The following SHLD2 variants were observed in gnomAD, a reference collection of about 807,000 sequenced individuals.
The protein encoded by SHLD2 is shieldin complex subunit 2.
SHLD2 carries 30 observed loss-of-function variants against 73.2 expected under a neutral mutation model. The ratio of observed to expected loss-of-function variants is 0.41; its 90% confidence interval spans 0.31 to 0.56. The LOEUF is 0.56. Ranked by LOEUF, SHLD2 falls within the 20% of genes least tolerant of loss-of-function variation. SHLD2 has a pLI of 0.28. For missense variants in SHLD2, 745 were observed against 1,055.9 expected, an observed-to-expected ratio of 0.71 and a Z score of 4.08; for synonymous variants, 285 against 370.1, an observed-to-expected ratio of 0.77 and a Z score of 2.64.
At chr10:87,103,955 C>T (rs183287012) in intron 2 of SHLD2, among the ~76,000 whole-genome samples, 2 of 152,060 alleles carry the variant, frequency 1.3e-5, no homozygotes, top group Admixed American at 6.6e-5. Flanking sequence ...CTGTGCTGGC[C>T]GGGCATGGTG....
chr10:87,158,079 C>T lies in SHLD2; in HGVS notation c.1557C>T (p.Gly519=), dbSNP rs3129495. 11 of 1,611,282 alleles carry T rather than the reference C, an allele frequency of 6.8e-6. No homozygotes were observed. The highest frequency in any genetic ancestry group is 3.3e-5 in the Admixed American group (2 of 59,968). The part of the protein sequence containing the change: ...DVVIHEDQWI[G]ETVLQSTFSS... ...TTATTCATGAGGACCAATGGATTGG[C>T]GAGACAGTACTACAATCAACATTTA... is the stretch of plus-strand genomic sequence containing the variant. Residue 519 remains glycine, a synonymous_variant, in exon 4 of 10, where the codon GGC becomes GGT. Transcript: ENST00000298786.
intron 3 of SHLD2, chr10:87,153,972 C>T (rs1564601745): frequency 6.6e-6 from 1 of 152,166 alleles, no homozygotes; most frequent in Non-Finnish European, 1.5e-5. Context: ...CTCACGGGCA[C>T]AATCCCATTG....
intron 2 of SHLD2, among the ~76,000 whole-genome samples, chr10:87,097,577 G>A (rs1034106778): frequency 6.6e-6 from 1 of 152,096 alleles, no homozygotes; most frequent in African/African-American, 2.4e-5. Flanking sequence ...GGGCAACAGA[G>A]CGAGTCTTCA....
At chr10:87,147,572 G>A (rs754114322) in intron 2 of SHLD2, among the ~76,000 whole-genome samples, 69 of 152,148 alleles carry the variant, frequency 4.5e-4, no homozygotes, top group Middle Eastern at 6.8e-3. Flanking sequence ...GGTAAATGTC[G>A]TATACACCTT....
intron 2 of SHLD2, among the ~76,000 whole-genome samples, chr10:87,098,052 T>G (rs1214100893): frequency 6.6e-6 from 1 of 152,010 alleles, no homozygotes; most frequent in Admixed American, 6.6e-5. Flanking sequence ...GTTGAGCCAC[T>G]GCACCTGGTC....
intron 2 of SHLD2, among the ~76,000 whole-genome samples, chr10:87,149,392 G>A (rs1006401537): frequency 3.3e-5 from 5 of 151,952 alleles, no homozygotes; most frequent in Admixed American, 6.6e-5. Context: ...GGAATATGTA[G>A]TTATAGCAAT....
At chr10:87,126,429 A>G (rs1422478431) in intron 2 of SHLD2, among the ~76,000 whole-genome samples, 2 of 152,090 alleles carry the variant, frequency 1.3e-5, no homozygotes, top group African/African-American at 4.8e-5. Context: ...TTGAGTCTTA[A>G]TGACTTTTTT....
chr10:87,167,214 A>G (rs1370894609), intron 4 of SHLD2, among the ~76,000 whole-genome samples: 8 of 152,206 alleles, frequency 5.3e-5, no homozygotes, highest in African/African-American at 1.2e-4. Context: ...AGAATATTCT[A>G]TGAATCCCCT....
chr10:87,158,752 A>T (rs1046418500), intron 4 of SHLD2, among the ~76,000 whole-genome samples: 215 of 152,170 alleles, frequency 1.4e-3, no homozygotes, highest in Non-Finnish European at 2.7e-3. Context: ...AAAATAACAT[A>T]AAAAAAAGAA....
chr10:87,151,739 G>C lies in SHLD2; in HGVS notation c.385G>C (p.Val129Leu). ...GCAAATATGTGGATTTAAAAGCACA[G>C]TTCCGCATTTCACCGAAGAAGAAAA... ...NMQICGFKSTVPHFTEEEKYQ... is the reference protein window; with the variant it reads ...NMQICGFKSTLPHFTEEEKYQ... Residue 129 changes from valine (V) to leucine (L), a missense_variant, in exon 3 of 10, where the codon GTT becomes CTT. This residue lies in a region of SHLD2 where 280 missense variants were observed against 353.9 expected (regional missense o/e 0.79). Transcript: ENST00000298786. The C allele has an allele frequency of 1.9e-6, 3 of 1,611,958 alleles. No homozygotes were observed. The highest frequency in any genetic ancestry group is 2.5e-6 in the Non-Finnish European group (3 of 1,179,842).
At chr10:87,117,202 C>T (rs1211822629) in intron 2 of SHLD2, among the ~76,000 whole-genome samples, 1 of 151,064 alleles carries the variant, frequency 6.6e-6, no homozygotes, top group Non-Finnish European at 1.5e-5. Context: ...GGCGGATCAC[C>T]TGAGGTCGGG....
intron 2 of SHLD2, among the ~76,000 whole-genome samples, chr10:87,110,435 A>G (rs561000701): frequency 6.6e-6 from 1 of 152,184 alleles, no homozygotes; most frequent in African/African-American, 2.4e-5. Context: ...GGGAAACCCC[A>G]TCTCTACTCA....
intron 2 of SHLD2, among the ~76,000 whole-genome samples, chr10:87,109,279 T>G (rs1259711503): frequency 6.6e-6 from 1 of 152,100 alleles, no homozygotes; most frequent in Non-Finnish European, 1.5e-5. Context: ...CTGGAGATTT[T>G]TCTTACCCTT....
Position 87,128,974 on chromosome 10 carries a change from C to T in SHLD2, c.-5-22376C>T, listed in dbSNP as rs1190068056. On this transcript the variant is annotated intron_variant, in intron 2 of 9. Transcript: ENST00000298786. ...CTGGAGTGCAGTGGCATGATCTTGG[C>T]GCACTGCAACAACCTCCGCCTCCTG... Among the ~76,000 whole-genome samples, 13 of 151,564 alleles carry T rather than the reference C, an allele frequency of 8.6e-5. No homozygotes were observed. The South Asian group carries it at 1.0e-3, about 12-fold the overall frequency.
chr10:87,132,301 C>T (rs184253761), intron 2 of SHLD2, among the ~76,000 whole-genome samples: 64 of 152,204 alleles, frequency 4.2e-4, no homozygotes, highest in Admixed American at 6.5e-4. Flanking sequence ...TCCTCTCCCC[C>T]AGTAAATGGT....
intron 2 of SHLD2, among the ~76,000 whole-genome samples, chr10:87,109,565 C>G (rs1299155855): frequency 6.6e-6 from 1 of 152,202 alleles, no homozygotes; most frequent in Non-Finnish European, 1.5e-5. Flanking sequence ...TCCCAGAGTG[C>G]TGGGATTACA....
Position 87,151,627 on chromosome 10 carries a change from C to T in SHLD2, c.273C>T (p.Asp91=). The T allele has an allele frequency of 6.2e-7, 1 of 1,611,826 alleles. No homozygotes were observed. Among genetic ancestry groups the T allele is most frequent in the Non-Finnish European group, 8.5e-7 (1 of 1,179,728 alleles). ...ATAGACATGTTCATGTGAAAGATGACTTTGTACGTTCTGTTTCTGAAACAC... is the reference window on the plus strand; with the variant it reads ...ATAGACATGTTCATGTGAAAGATGATTTTGTACGTTCTGTTTCTGAAACAC... ...CMNRHVHVKD[D]FVRSVSETQN... Residue 91 remains aspartate (D), a synonymous_variant, in exon 3 of 10, where the codon GAC becomes GAT. Coordinates refer to ENST00000298786, the MANE Select transcript of SHLD2 (RefSeq NM_001330112.2).
chr10:87,115,080 G>C, intron 2 of SHLD2, among the ~76,000 whole-genome samples: 1 of 152,074 alleles, frequency 6.6e-6, no homozygotes, highest in South Asian at 2.1e-4. Flanking sequence ...AGACAGAGTC[G>C]TGCTCTGTCG....
At position 87,174,696 on chromosome 10, in the gene SHLD2, A is replaced by T. The variant is rs1378457258; in HGVS notation, c.1964-1193A>T. 2.6e-5 allele frequency among the ~76,000 whole-genome samples: 4 copies of T among 152,328 alleles called. No homozygotes were observed. The East Asian group carries it at 7.7e-4, about 29-fold the overall frequency. ...GTTATCAGAAAAATTAGTGCTAAGA[A>T]ACCCTCTTTTGTTTTATTATAGTTT... On this transcript the variant is annotated intron_variant, in intron 6 of 9. Transcript: ENST00000298786.
Sources: allele counts gnomAD v4.1 joint callset (sites outside exome capture counted in the v4.1 genomes callset), GRCh38; gene constraint gnomAD v4.1.1; regional missense constraint gnomAD v4.1.1; transcripts MANE v1.5; gene names NCBI Gene and HGNC (gene_info 2026-07-23, HGNC 2026-07-21).